The following SCEL variants were observed in gnomAD, a reference collection of about 807,000 sequenced individuals.
SCEL encodes the protein sciellin.
SCEL carries 113 observed loss-of-function variants against 117.6 expected under a neutral mutation model. That is an observed-to-expected ratio of 0.96 (90% CI 0.83 to 1.12). The LOEUF is 1.12. SCEL is among the 50% of genes most tolerant of loss of function. SCEL has a pLI of 0.00. For missense variants in SCEL, 785 were observed against 810.8 expected (o/e 0.97, Z 0.39); for synonymous variants, 270 against 256.2 (o/e 1.05, Z -0.51).
At chr13:77,623,494 A>G (rs1303854703) in intron 27 of SCEL, 1 of 152,166 alleles carries the variant, frequency 6.6e-6, no homozygotes, top group African/African-American at 2.4e-5. Context: ...AATAAATATT[A>G]CTCTACCAAA....
Position 77,613,981 on chromosome 13 carries a change from G to T in SCEL, c.1451+26G>T, listed in dbSNP as rs199639263. 1.4e-5 allele frequency: 23 copies of T among 1,592,598 alleles called. No individual in the cohort carries two copies. In the African/African-American group the frequency reaches 2.0e-4, roughly 14 times the overall value. On this transcript the variant is annotated intron_variant, in intron 24 of 32. Coordinates refer to ENST00000349847, the MANE Select transcript of SCEL (RefSeq NM_144777.3). Reference sequence around the variant, plus strand: ...GTAAGAGATGGATGTGATTTTTGTTGTGTTTCTCGTTAAGTAAACCCAAAA... The same window carrying T: ...GTAAGAGATGGATGTGATTTTTGTTTTGTTTCTCGTTAAGTAAACCCAAAA...
chr13:77,553,325 A>G (rs1318860253), intron 1 of SCEL, among the ~76,000 whole-genome samples: 5 of 152,138 alleles, frequency 3.3e-5, no homozygotes, highest in African/African-American at 9.7e-5. Flanking sequence ...TTGTCTCACA[A>G]TTGCATTTAC....
At chr13:77,602,506 T>G (rs2087780638) in intron 16 of SCEL, 148 bp from the exon 17 acceptor site, 1 of 651,122 alleles carries the variant, frequency 1.5e-6, no homozygotes, top group Admixed American at 2.5e-5. Context: ...TTACTAAAGG[T>G]AAGTTAAGGA....
intron 27 of SCEL, among the ~76,000 whole-genome samples, chr13:77,624,452 T>C (rs566130265): frequency 5.7e-4 from 87 of 152,278 alleles, no homozygotes; most frequent in Non-Finnish European, 1.1e-3. Context: ...CCTCTGTGTG[T>C]GTCTGAGTCC....
intron 1 of SCEL, among the ~76,000 whole-genome samples, chr13:77,544,681 A>G (rs2083898405): frequency 6.6e-6 from 1 of 152,168 alleles, no homozygotes; most frequent in South Asian, 2.1e-4. Flanking sequence ...TCCCAGAGGA[A>G]GTGCTGTTAT....
intron 31 of SCEL, among the ~76,000 whole-genome samples, chr13:77,641,192 G>A (rs2090542274): frequency 1.3e-5 from 2 of 152,228 alleles, no homozygotes; most frequent in South Asian, 2.1e-4. Flanking sequence ...AGGACCAATG[G>A]GTTTAACAAT....
At chr13:77,593,819 C>T (rs1159238640) in intron 12 of SCEL, among the ~76,000 whole-genome samples, 4 of 152,162 alleles carry the variant, frequency 2.6e-5, no homozygotes, top group Non-Finnish European at 5.9e-5. Context: ...GTGACCTCAG[C>T]TGTCAAGCCT....
chr13:77,596,651 GA>G (rs1438440555), intron 12 of SCEL, among the ~76,000 whole-genome samples: 1 of 151,530 alleles, frequency 6.6e-6, no homozygotes, highest in Non-Finnish European at 1.5e-5. Flanking sequence ...TTTGTGAACA[GA>G]AAAACTTGCT....
At chr13:77,536,961 T>G (rs1014448229) in intron 1 of SCEL, among the ~76,000 whole-genome samples, 1 of 152,250 alleles carries the variant, frequency 6.6e-6, no homozygotes, top group Non-Finnish European at 1.5e-5. Flanking sequence ...GATAATTTTA[T>G]TTTTCATAAA....
At chr13:77,642,850 T>G in intron 32 of SCEL, 42 bp downstream of exon 32, 1 of 1,026,668 alleles carries the variant, frequency 9.7e-7, no homozygotes, top group Non-Finnish European at 1.4e-6. Context: ...TGGTTAACCT[T>G]AATGAGCATT....
chr13:77,574,704 G>A (rs1055255189), intron 9 of SCEL, among the ~76,000 whole-genome samples: 1 of 152,116 alleles, frequency 6.6e-6, no homozygotes, highest in African/African-American at 2.4e-5. Context: ...GGGAGTAAAG[G>A]CTTCACAAAG....
Position 77,602,642 on chromosome 13 carries a change from T to G in SCEL, c.978-12T>G, listed in dbSNP as rs766213645. ...GTAACCTAACTGACAAGTTTTGGTG[T>G]TTTTTCCAAAGAAGACAAAATCTCG... On this transcript the variant is annotated splice_polypyrimidine_tract_variant and intron_variant, in intron 16 of 32. Transcript: ENST00000349847. 8.7e-6 allele frequency: 14 copies of G among 1,612,602 alleles called. No individual in the cohort carries two copies. The African/African-American group carries it at 1.9e-4, about 22-fold the overall frequency.
intron 9 of SCEL, among the ~76,000 whole-genome samples, chr13:77,577,546 C>T (rs536775119): frequency 2.0e-5 from 3 of 152,132 alleles, no homozygotes; most frequent in Non-Finnish European, 4.4e-5. Flanking sequence ...GACTACAATT[C>T]GAGGTGGGAT....
Position 77,561,546 on chromosome 13 carries a change from C to T in SCEL, c.221+1683C>T, listed in dbSNP as rs921549093. On this transcript the variant is annotated intron_variant, in intron 4 of 32. Coordinates refer to ENST00000349847, the MANE Select transcript of SCEL (RefSeq NM_144777.3). The stretch of plus-strand genomic sequence containing the variant: ...GGGTATCACTTGTCATTTTTCTGCT[C>T]TGCAGAGGATGTCTTTACCTTGATG... Among the ~76,000 whole-genome samples the T allele has an allele frequency of 6.6e-5, 10 of 152,216 alleles. No homozygotes were observed. In the East Asian group the frequency reaches 1.5e-3, roughly 23 times the overall value.
At chr13:77,611,953 A>G (rs1594117976) in intron 22 of SCEL, among the ~76,000 whole-genome samples, 1 of 152,300 alleles carries the variant, frequency 6.6e-6, no homozygotes, top group East Asian at 1.9e-4. Context: ...AAGATAGCAA[A>G]TAAATTTTCC....
chr13:77,604,216 A>G (rs2087939200), intron 18 of SCEL, 140 bp from the exon 19 acceptor site: 1 of 498,948 alleles, frequency 2.0e-6, no homozygotes, highest in Admixed American at 4.1e-5. Context: ...GAATATTTTC[A>G]TTTTCTTTTA....
At chr13:77,625,504 C>T (rs779898046) in intron 27 of SCEL, among the ~76,000 whole-genome samples, 3 of 152,152 alleles carry the variant, frequency 2.0e-5, no homozygotes, top group South Asian at 2.1e-4. Flanking sequence ...TTGATACTTC[C>T]GAGCTACTTC....
chr13:77,555,690 A>G (rs1414329697), intron 1 of SCEL, among the ~76,000 whole-genome samples, 167 bp from the exon 2 acceptor site: 1 of 152,250 alleles, frequency 6.6e-6, no homozygotes, highest in Non-Finnish European at 1.5e-5. Context: ...ATATGTTGGA[A>G]GAGATGAACT....
Position 77,609,039 on chromosome 13 carries a change from T to C in SCEL, c.1218-19T>C. ...AATTCCATTTTTATTTATGATGTTT[T>C]TTGTTTTTTTGTTTGAAGTTCCAAA... On this transcript the variant is annotated intron_variant, in intron 20 of 32. Transcript: ENST00000349847. 2 of 1,554,444 alleles carry C rather than the reference T, an allele frequency of 1.3e-6. No individual in the cohort carries two copies. The highest frequency in any genetic ancestry group is 1.7e-6 in the Non-Finnish European group (2 of 1,146,084).
Sources: gnomAD v4.1 joint callset for allele counts (sites outside exome capture counted in the v4.1 genomes callset) on GRCh38, gnomAD v4.1.1 for gene constraint, MANE v1.5 for transcripts, NCBI Gene and HGNC (gene_info 2026-07-23, HGNC 2026-07-21) for gene names.